The following ZNF804A variants were observed in gnomAD, a reference collection of about 807,000 sequenced individuals.
ZNF804A encodes the protein zinc finger protein 804A.
ZNF804A carries 2 observed loss-of-function variants against 16.5 expected under a neutral mutation model. The observed-to-expected ratio is 0.12, with a 90% CI of 0.05 to 0.38. The LOEUF (loss-of-function observed/expected upper bound fraction) is 0.38. Among genes scored for constraint, ZNF804A ranks in the 10% least tolerant of loss-of-function variants. ZNF804A has a pLI of 0.99. For missense variants in ZNF804A, 1,473 were observed against 1,390.7 expected (o/e 1.06, Z -0.94); for synonymous variants, 534 against 489.6 (o/e 1.09, Z -1.20).
intron 1 of ZNF804A, among the ~76,000 whole-genome samples, chr2:184,648,998 C>T (rs149114225): frequency 2.5e-4 from 38 of 152,014 alleles, no homozygotes; most frequent in East Asian, 9.7e-4. Context: ...AATCTGCACA[C>T]GGAACACGCT....
chr2:184,768,021 G>A (rs1413603131), intron 1 of ZNF804A, among the ~76,000 whole-genome samples: 1 of 152,004 alleles, frequency 6.6e-6, no homozygotes. Context: ...CTAGGACAAA[G>A]TAATTAACAT....
At chr2:184,647,682 G>GA (rs1691904228) in intron 1 of ZNF804A, among the ~76,000 whole-genome samples, 1 of 152,020 alleles carries the variant, frequency 6.6e-6, no homozygotes, top group Non-Finnish European at 1.5e-5. Flanking sequence ...AACTCAGAAA[G>GA]ACAAAGAAAA....
chr2:184,926,284 ATTTT>A (rs35842377), intron 2 of ZNF804A, among the ~76,000 whole-genome samples: 2 of 150,072 alleles, frequency 1.3e-5, no homozygotes, highest in Admixed American at 6.6e-5. Context: ...TCTAGGGTAA[ATTTT>A]TTTTTTTTTC....
chr2:184,666,571 G>A (rs575382594), intron 1 of ZNF804A, among the ~76,000 whole-genome samples: 7 of 151,932 alleles, frequency 4.6e-5, no homozygotes, highest in East Asian at 1.9e-4. Context: ...ATGTTAAAAT[G>A]ATTTTGTGGT....
intron 2 of ZNF804A, among the ~76,000 whole-genome samples, chr2:184,901,360 A>C (rs1350566080): frequency 6.6e-6 from 1 of 152,156 alleles, no homozygotes; most frequent in Non-Finnish European, 1.5e-5. Context: ...AAGGAAAGAG[A>C]ATTGAAAGAA....
chr2:184,818,057 A>T (rs958502245), intron 1 of ZNF804A, among the ~76,000 whole-genome samples: 1 of 151,932 alleles, frequency 6.6e-6, no homozygotes, highest in African/African-American at 2.4e-5. Context: ...AATCCAGAGA[A>T]CCCCAGTAAG....
chr2:184,621,798 G>T (rs1277987930), intron 1 of ZNF804A, among the ~76,000 whole-genome samples: 1 of 151,666 alleles, frequency 6.6e-6, no homozygotes, highest in African/African-American at 2.4e-5. Context: ...GTATAGAAAT[G>T]CTTGTACCTA....
intron 1 of ZNF804A, among the ~76,000 whole-genome samples, chr2:184,746,819 T>C (rs1693796138): frequency 1.3e-5 from 2 of 151,466 alleles, no homozygotes; most frequent in African/African-American, 4.8e-5. Flanking sequence ...TTTCTGTTCC[T>C]GGCTTAAGTT....
At chr2:184,820,648 G>A (rs765103476) in intron 1 of ZNF804A, among the ~76,000 whole-genome samples, 10 of 152,026 alleles carry the variant, frequency 6.6e-5, no homozygotes, top group Non-Finnish European at 1.5e-4. Context: ...CCAATGACAT[G>A]ATCCTATATA....
At chr2:184,935,126 A>G (rs762274091) in intron 3 of ZNF804A, among the ~76,000 whole-genome samples, 6 of 152,174 alleles carry the variant, frequency 3.9e-5, no homozygotes, top group Admixed American at 2.6e-4. Context: ...CAAATAAGTT[A>G]TATTTTAAGT....
chr2:184,715,893 TTGGC>T (rs1366010863), intron 1 of ZNF804A, among the ~76,000 whole-genome samples: 1 of 152,186 alleles, frequency 6.6e-6, no homozygotes, highest in Non-Finnish European at 1.5e-5. Context: ...CACGCGGGTT[TTGGC>T]TCATAATAGG....
At chr2:184,628,036 C>T (rs191654866) in intron 1 of ZNF804A, among the ~76,000 whole-genome samples, 11 of 152,234 alleles carry the variant, frequency 7.2e-5, no homozygotes, top group Admixed American at 4.6e-4. Context: ...AGAATATGGC[C>T]GGGCTCAGTG....
chr2:184,833,171 T>C (rs1695291811), intron 1 of ZNF804A, among the ~76,000 whole-genome samples: 1 of 152,064 alleles, frequency 6.6e-6, no homozygotes, highest in Non-Finnish European at 1.5e-5. Context: ...TTAAGTATTT[T>C]TTGTAAATTT....
At chr2:184,724,758 A>C (rs1341620407) in intron 1 of ZNF804A, among the ~76,000 whole-genome samples, 1 of 151,782 alleles carries the variant, frequency 6.6e-6, no homozygotes, top group Non-Finnish European at 1.5e-5. Flanking sequence ...CAATTAAAGC[A>C]GCACGGGAAA....
In ZNF804A at chr2:184,748,247, GTAT is replaced by G. The variant is rs1355097704; in HGVS notation, c.112-118119_112-118117del. Among the ~76,000 whole-genome samples, 7 of 150,070 alleles carry G rather than the reference GTAT, an allele frequency of 4.7e-5. 1 individual carries two copies. Among genetic ancestry groups the G allele is most frequent in the African/African-American group, 1.7e-4 (7 of 41,078 alleles). ...ACTAATTTACATTCCCACCAACAGTGTATTAACATTTTCTTTTCTCCATAGCCT... is the reference window on the plus strand; with the variant it reads ...ACTAATTTACATTCCCACCAACAGTGTAACATTTTCTTTTCTCCATAGCCT... On this transcript the variant is annotated intron_variant, in intron 1 of 3. Coordinates refer to ENST00000302277, the MANE Select transcript of ZNF804A (RefSeq NM_194250.2).
At chr2:184,899,645 T>C (rs560657532) in intron 2 of ZNF804A, among the ~76,000 whole-genome samples, 1 of 152,058 alleles carries the variant, frequency 6.6e-6, no homozygotes, top group Non-Finnish European at 1.5e-5. Context: ...GTCTAGTTCA[T>C]TCTAAAATAA....
chr2:184,634,731 T>C (rs1177894410), intron 1 of ZNF804A, among the ~76,000 whole-genome samples: 1 of 152,198 alleles, frequency 6.6e-6, no homozygotes, highest in Non-Finnish European at 1.5e-5. Context: ...CACATTCATT[T>C]AAGTTAATAA....
intron 1 of ZNF804A, among the ~76,000 whole-genome samples, chr2:184,860,695 C>T (rs1466741520): frequency 6.6e-6 from 1 of 152,208 alleles, no homozygotes; most frequent in Non-Finnish European, 1.5e-5. Flanking sequence ...GGGTACCAGC[C>T]TGGAATCTGA....
At position 184,933,784 on chromosome 2, in the gene ZNF804A, G is replaced by C. The variant is rs181613014; in HGVS notation, c.386+51G>C. 5 of 1,548,112 alleles carry C rather than the reference G, an allele frequency of 3.2e-6. No individual in the cohort carries two copies. In the East Asian group the frequency reaches 9.3e-5, roughly 29 times the overall value. ...TTTCTTAAAACATGACCAAAAAAGG[G>C]GTATAGGGGGAGTCAGAAATAAAGG... is the stretch of plus-strand genomic sequence containing the variant. On this transcript the variant is annotated intron_variant, in intron 3 of 3. Coordinates refer to ENST00000302277, the MANE Select transcript of ZNF804A (RefSeq NM_194250.2).
Sources: allele counts gnomAD v4.1 joint callset (sites outside exome capture counted in the v4.1 genomes callset), GRCh38; gene constraint gnomAD v4.1.1; transcripts MANE v1.5; gene names NCBI Gene and HGNC (gene_info 2026-07-23, HGNC 2026-07-21).